Variants in ANKRD42 observed in about 807,000 individuals in gnomAD.
ANKRD42 encodes ankyrin repeat domain-containing protein 42.
ANKRD42 carries 43 observed loss-of-function variants against 51.5 expected under a neutral mutation model. The observed-to-expected ratio is 0.83, with a 90% confidence interval of 0.65 to 1.08. ANKRD42 has a LOEUF of 1.08. Among genes scored for constraint, ANKRD42 ranks in the 50% least tolerant of loss-of-function variants. ANKRD42 has a pLI of 0.00. For missense variants in ANKRD42, 608 were observed against 629.3 expected, an observed-to-expected ratio of 0.97 and a Z score of 0.36; for synonymous variants, 203 against 213.0, an observed-to-expected ratio of 0.95 and a Z score of 0.41.
intron 3 of ANKRD42, 135 bp from the exon 4 acceptor site, chr11:83,210,165 G>A (rs1267276061): frequency 5.1e-6 from 4 of 779,544 alleles, no homozygotes. Context: ...TGTTTTGCCT[G>A]TAGCACATAT....
downstream of ANKRD42, chr11:83,262,044 T>C: frequency 4.0e-6 from 4 of 992,302 alleles, no homozygotes; most frequent in Admixed American, 7.6e-5. Context: ...ATGTTATCTT[T>C]AAGTGAAGAG....
chr11:83,259,862 G>T (rs552904090), downstream of ANKRD42: 1 of 152,250 alleles, frequency 6.6e-6, no homozygotes, highest in African/African-American at 2.4e-5. Context: ...AGGCCAGTAA[G>T]CTTCTTATCA....
At chr11:83,253,741 G>GA (rs1397565077), downstream of ANKRD42, among the ~76,000 whole-genome samples, 1 of 152,116 alleles carries the variant, frequency 6.6e-6, no homozygotes, top group Non-Finnish European at 1.5e-5. Context: ...TAATCTTGGT[G>GA]AAAAATGTTC....
chr11:83,254,091 C>T (rs953917195), intron 11 of ANKRD42, among the ~76,000 whole-genome samples: 3 of 152,178 alleles, frequency 2.0e-5, no homozygotes, highest in African/African-American at 7.2e-5. Context: ...CCTCCAGCCT[C>T]AGCCTCGTGA....
At chr11:83,231,224 A>G (rs1863061647) in intron 7 of ANKRD42, among the ~76,000 whole-genome samples, 1 of 152,090 alleles carries the variant, frequency 6.6e-6, no homozygotes, top group African/African-American at 2.4e-5. Context: ...AGCATTCGTT[A>G]TTGCCTGTCT....
rs1218084106 is a variant in ANKRD42, at chr11:83,234,632, T to C, written c.914-1772T>C. ...ATTTCCCATATGATAAAATGAAATG[T>C]TGGGCTAAATTCATTCTGTCTCGTA... On this transcript the variant is annotated intron_variant, in intron 7 of 10. Coordinates refer to ENST00000533342, the MANE Select transcript of ANKRD42 (RefSeq NM_001300975.2). 3.3e-5 allele frequency among the ~76,000 whole-genome samples: 5 copies of C among 152,236 alleles called. No homozygotes were observed. The East Asian group carries it at 9.6e-4, about 29-fold the overall frequency.
At position 83,255,977 on chromosome 11, in the gene ANKRD42, A is replaced by C. The variant is rs761716766; in HGVS notation, c.*43A>C. The C allele has an allele frequency of 1.9e-5, 26 of 1,397,160 alleles. No homozygotes were observed. The South Asian group carries it at 3.4e-4, about 18-fold the overall frequency. 86.5% of individuals were successfully genotyped at this position (1,397,160 alleles called of 1,614,324 possible). On this transcript the variant is annotated 3_prime_UTR_variant, in exon 12 of 12. Coordinates refer to the ANKRD42 transcript ENST00000260047. ...TTGACCTGCTAGATTTTTCTCTTTC[A>C]TTAAAAAAATTGATATAAATGTGAG...
In ANKRD42 at chr11:83,254,430, C is replaced by CTTTTTTT. The variant is rs778427623; in HGVS notation, c.1465-1411_1465-1410insTTTTTTT. On this transcript the variant is annotated intron_variant, in intron 11 of 11. Coordinates refer to the ANKRD42 transcript ENST00000260047. Reference sequence around the variant, plus strand: ...CCCCACCTGAGTGTTTTTCTTTTTTCTTTTCTTTTTTTTTTTTTTGAGACA... The same window carrying CTTTTTTT: ...CCCCACCTGAGTGTTTTTCTTTTTTCTTTTTTTTTTTCTTTTTTTTTTTTTTGAGACA... Among the ~76,000 whole-genome samples the CTTTTTTT allele has an allele frequency of 1.1e-3, 144 of 130,356 alleles. 4 individuals are homozygous for CTTTTTTT. Among genetic ancestry groups the CTTTTTTT allele is most frequent in the Non-Finnish European group, 1.3e-3 (82 of 62,274 alleles). 85.5% of individuals were successfully genotyped at this position (130,356 alleles called of 152,430 possible). A position where few individuals can be genotyped will look rare whatever the true frequency, so the allele number is the denominator to read the frequency against.
At chr11:83,196,465 T>G (rs1861661587) in intron 1 of ANKRD42, among the ~76,000 whole-genome samples, 1 of 151,904 alleles carries the variant, frequency 6.6e-6, no homozygotes, top group African/African-American at 2.4e-5. Flanking sequence ...TCATGCTGTT[T>G]AGGCCTACTC....
At chr11:83,246,453 C>T (rs1037718009) in intron 10 of ANKRD42, among the ~76,000 whole-genome samples, 3 of 152,190 alleles carry the variant, frequency 2.0e-5, no homozygotes, top group Non-Finnish European at 4.4e-5. Context: ...TGAGAGACTA[C>T]TGTAGTTAAT....
At chr11:83,213,071 C>T in intron 5 of ANKRD42, 1 of 1,600,360 alleles carries the variant, frequency 6.2e-7, no homozygotes, top group East Asian at 2.2e-5. Context: ...GTTCTTCCGG[C>T]ACCAGACTGA....
At position 83,209,454 on chromosome 11, in the gene ANKRD42, A is replaced by G. The variant is rs1007686750; in HGVS notation, c.331-846A>G. 23 of 1,524,788 alleles carry G rather than the reference A, an allele frequency of 1.5e-5. No individual in the cohort carries two copies. In the Admixed American group the frequency reaches 3.5e-4, roughly 23 times the overall value. The allele number at this position is 1,524,788 out of a possible 1,614,324, so 94.5% of individuals were successfully genotyped here. ...AAATACGACGACGAGGAGTTTGAGT[A>G]TCGACATGTCGTGCTGCCCAAGGAC... is the stretch of plus-strand genomic sequence containing the variant. On this transcript the variant is annotated intron_variant, in intron 3 of 10. Coordinates refer to ENST00000533342, the MANE Select transcript of ANKRD42 (RefSeq NM_001300975.2).
At chr11:83,213,121 A>C (rs1018423043) in intron 5 of ANKRD42, 27 of 1,601,788 alleles carry the variant, frequency 1.7e-5, no homozygotes, top group Non-Finnish European at 2.3e-5. Context: ...AGAAACCCAG[A>C]GGTATTGACA....
chr11:83,254,425 TTTTTC>T (rs1166284511), intron 11 of ANKRD42, among the ~76,000 whole-genome samples: 6 of 127,904 alleles, frequency 4.7e-5, no homozygotes, highest in Admixed American at 7.3e-5. Flanking sequence ...GTGTTTTTCT[TTTTTC>T]TTTTCTTTTT....
At chr11:83,261,856 T>C (rs1333803918), downstream of ANKRD42, 8 of 1,279,586 alleles carry the variant, frequency 6.3e-6, no homozygotes, top group Non-Finnish European at 8.9e-6. Context: ...AAAGTAAATC[T>C]CTCCCGGTTT....
chr11:83,252,968 A>G, downstream of ANKRD42, among the ~76,000 whole-genome samples: 1 of 152,194 alleles, frequency 6.6e-6, no homozygotes, highest in Non-Finnish European at 1.5e-5. Flanking sequence ...CAGAACCAGT[A>G]TTATTCAGGA....
chr11:83,198,755 A>G (rs1861757833), intron 2 of ANKRD42, 113 bp downstream of exon 2: 8 of 956,570 alleles, frequency 8.4e-6, no homozygotes, highest in Admixed American at 3.5e-5. Flanking sequence ...TTTTCTTTTC[A>G]GTCATAGTCA....
intron 8 of ANKRD42, 35 bp downstream of exon 8, chr11:83,236,544 C>G: frequency 6.5e-7 from 1 of 1,527,218 alleles, no homozygotes; most frequent in African/African-American, 1.4e-5. Flanking sequence ...CCTTTCTTTT[C>G]TCTTTAAAGT....
chr11:83,263,561 G>A (rs1864059550), downstream of ANKRD42, among the ~76,000 whole-genome samples: 1 of 152,194 alleles, frequency 6.6e-6, no homozygotes, highest in African/African-American at 2.4e-5. Flanking sequence ...AACAAAATCT[G>A]CCACATTATC....
Sources: allele counts gnomAD v4.1 joint callset (sites outside exome capture counted in the v4.1 genomes callset), GRCh38; gene constraint gnomAD v4.1.1; transcripts MANE v1.5; gene names NCBI Gene and HGNC (gene_info 2026-07-23, HGNC 2026-07-21).